The following ANO10 variants were observed in gnomAD, a reference collection of about 807,000 sequenced individuals.
ANO10 encodes anoctamin-10.
In ANO10, 77 loss-of-function variants were observed where a neutral mutation model predicts 74.7. The observed-to-expected ratio is 1.03, with a 90% confidence interval of 0.86 to 1.25. ANO10 has a LOEUF of 1.25. Ranked by LOEUF, ANO10 falls within the 50% of genes most tolerant of loss-of-function variation. ANO10 has a pLI of 0.00. For synonymous variants in ANO10, 279 were observed against 284.9 expected (o/e 0.98, Z 0.21); for missense variants, 721 against 778.1 (o/e 0.93, Z 0.87).
chr3:43,647,147 GTA>G (rs1360745248), intron 1 of ANO10, among the ~76,000 whole-genome samples: 32 of 122,526 alleles, frequency 2.6e-4, no homozygotes, highest in African/African-American at 9.5e-4. Flanking sequence ...AAAGATATGT[GTA>G]TATATGTGTG....
At chr3:43,616,167 A>G (rs1448911525) in intron 1 of ANO10, among the ~76,000 whole-genome samples, 1 of 152,202 alleles carries the variant, frequency 6.6e-6, no homozygotes, top group African/African-American at 2.4e-5. Flanking sequence ...AAAGCTTCAG[A>G]GAGCTGGACA....
intron 11 of ANO10, among the ~76,000 whole-genome samples, chr3:43,451,533 G>A (rs2074872186): frequency 6.6e-6 from 1 of 151,682 alleles, no homozygotes; most frequent in Admixed American, 6.6e-5. Context: ...TGGGAAACCT[G>A]ACCTGTGACA....
rs1369504693 is a variant in ANO10 at position 43,561,376 on chromosome 3, G to C, written c.1320C>G (p.Ser440=). The part of the protein sequence containing the change: ...RQSLATLLIT[S]QILNQIMESF... Reference sequence around the variant, plus strand: ...ATTCCATAATTTGGTTGAGGATCTGGGAGGTAATTAGGAGAGTGGCCAAGC... The same window carrying C: ...ATTCCATAATTTGGTTGAGGATCTGCGAGGTAATTAGGAGAGTGGCCAAGC... Residue 440 remains serine (S), a synonymous_variant, in exon 9 of 13, where the codon TCC becomes TCG. Coordinates refer to ENST00000292246, the MANE Select transcript of ANO10 (RefSeq NM_018075.5). The C allele has an allele frequency of 6.2e-7, 1 of 1,614,120 alleles. No homozygotes were observed. The highest frequency in any genetic ancestry group is 8.5e-7 in the Non-Finnish European group (1 of 1,180,018).
Position 43,555,483 on chromosome 3 carries a change from C to T in ANO10, c.1477-14G>A, listed in dbSNP as rs78884042. 5,752 of 1,611,934 alleles carry T rather than the reference C, an allele frequency of 3.6e-3. 161 individuals are homozygous for T. In the African/African-American group the frequency reaches 0.063, roughly 18 times the overall value. On this transcript the variant is annotated splice_polypyrimidine_tract_variant and intron_variant, in intron 9 of 12. Transcript: ENST00000292246. ...ATCAAAGGTGCCCTGAAAATATAAA[C>T]AAGCATGCATTATTTTAATATCATA...
At chr3:43,445,122 CAAAA>C (rs10689478) in intron 11 of ANO10, among the ~76,000 whole-genome samples, 1 of 91,534 alleles carries the variant, frequency 1.1e-5, no homozygotes, top group South Asian at 4.0e-4. Flanking sequence ...GACTTTGCCT[CAAAA>C]AAAAAAAAAA....
chr3:43,628,983 T>G (rs945278695), intron 1 of ANO10, among the ~76,000 whole-genome samples: 4 of 152,224 alleles, frequency 2.6e-5, no homozygotes, highest in African/African-American at 9.7e-5. Context: ...TCTATTACCT[T>G]GTGAAGTACG....
intron 1 of ANO10, among the ~76,000 whole-genome samples, chr3:43,663,967 T>A (rs749786119): frequency 9.9e-5 from 15 of 152,200 alleles, no homozygotes; most frequent in Non-Finnish European, 2.2e-4. Flanking sequence ...CAAAGTAATT[T>A]ATAGATTCAA....
chr3:43,414,967 CTTTTTTTT>C (rs60554785), intron 12 of ANO10, among the ~76,000 whole-genome samples: 4 of 66,594 alleles, frequency 6.0e-5, no homozygotes, highest in African/African-American at 2.5e-4. Context: ...TGTCATTGTG[CTTTTTTTT>C]TTTTTTTTTT....
At chr3:43,392,560 G>C (rs1372075752) in intron 12 of ANO10, among the ~76,000 whole-genome samples, 1 of 152,170 alleles carries the variant, frequency 6.6e-6, no homozygotes, top group Non-Finnish European at 1.5e-5. Flanking sequence ...AGGCTATTTA[G>C]GTTGTTTTTA....
chr3:43,566,997 T>A (rs2080393314), intron 7 of ANO10, among the ~76,000 whole-genome samples: 1 of 152,168 alleles, frequency 6.6e-6, no homozygotes, highest in East Asian at 1.9e-4. Context: ...AAGGAGCTGA[T>A]GGAGCTGAAA....
intron 11 of ANO10, among the ~76,000 whole-genome samples, chr3:43,548,170 C>T (rs1323703699): frequency 1.3e-5 from 2 of 152,194 alleles, no homozygotes; most frequent in African/African-American, 4.8e-5. Context: ...TTGTAAGTTT[C>T]ATGAGTTTTA....
At chr3:43,648,406 T>C (rs2083748796) in intron 1 of ANO10, among the ~76,000 whole-genome samples, 1 of 152,176 alleles carries the variant, frequency 6.6e-6, no homozygotes, top group Non-Finnish European at 1.5e-5. Context: ...AGCAAGTCTA[T>C]TAAGAAAGTA....
chr3:43,565,473 A>T (rs913489602), intron 8 of ANO10, among the ~76,000 whole-genome samples, 180 bp downstream of exon 8: 5 of 152,252 alleles, frequency 3.3e-5, no homozygotes, highest in African/African-American at 1.2e-4. Flanking sequence ...AACTCATTTC[A>T]GTTGAGCATA....
At chr3:43,595,450 T>C (rs2082029765) in intron 4 of ANO10, among the ~76,000 whole-genome samples, 1 of 152,196 alleles carries the variant, frequency 6.6e-6, no homozygotes, top group African/African-American at 2.4e-5. Flanking sequence ...GATGCAAGGA[T>C]GGTTCAACAT....
intron 11 of ANO10, among the ~76,000 whole-genome samples, chr3:43,518,699 G>A (rs112255368): frequency 0.01 from 1,567 of 152,206 alleles, 16 homozygotes; most frequent in Middle Eastern, 0.051. Flanking sequence ...CTTATATGTC[G>A]ATAAGGGATG....
chr3:43,415,545 C>CTTTTTTTT (rs538224235), intron 12 of ANO10, among the ~76,000 whole-genome samples: 309 of 147,332 alleles, frequency 2.1e-3, no homozygotes, highest in African/African-American at 7.5e-3. Flanking sequence ...TTCTTTCTTT[C>CTTTTTTTT]TTTTTTTTTT....
intron 8 of ANO10, among the ~76,000 whole-genome samples, chr3:43,565,063 A>C (rs771221576): frequency 3.9e-5 from 6 of 152,236 alleles, no homozygotes; most frequent in Non-Finnish European, 8.8e-5. Flanking sequence ...ACTGCTCACC[A>C]ACAATCTCAG....
At chr3:43,571,339 A>G (rs935280017) in intron 7 of ANO10, among the ~76,000 whole-genome samples, 2,692 of 152,140 alleles carry the variant, frequency 0.018, 71 homozygotes, top group African/African-American at 0.06. Context: ...TACTGAGTAT[A>G]TACCCAAAGG....
At chr3:43,653,574 C>T (rs2083812653) in intron 1 of ANO10, among the ~76,000 whole-genome samples, 1 of 151,954 alleles carries the variant, frequency 6.6e-6, no homozygotes. Context: ...AATTATATCC[C>T]AACAAATAAT....
Sources: allele counts gnomAD v4.1 joint callset (sites outside exome capture counted in the v4.1 genomes callset), GRCh38; gene constraint gnomAD v4.1.1; transcripts MANE v1.5; gene names NCBI Gene and HGNC (gene_info 2026-07-23, HGNC 2026-07-21).